Variants in RREB1 observed in about 807,000 individuals in gnomAD.
RREB1 encodes the protein ras-responsive element-binding protein 1.
In RREB1, 27 loss-of-function variants were observed where a neutral mutation model predicts 117.8. The observed-to-expected ratio is 0.23, with a 90% CI of 0.17 to 0.32. RREB1 has a LOEUF of 0.32. RREB1 is among the 10% of genes least tolerant of loss of function. The probability of loss-of-function intolerance (pLI) is 1.00; values close to 1 mark genes in which losing one functional copy is unlikely to be tolerated. For synonymous variants in RREB1, 1,298 were observed against 1,026.7 expected, an observed-to-expected ratio of 1.26 and a Z score of -5.05; for missense variants, 2,577 against 2,378.2, an observed-to-expected ratio of 1.08 and a Z score of -1.74.
intron 1 of RREB1, among the ~76,000 whole-genome samples, chr6:7,120,836 TTGAGACA>T: frequency 1.3e-5 from 2 of 148,548 alleles, no homozygotes; most frequent in Admixed American, 1.3e-4. Flanking sequence ...TTTTTTTTTT[TTGAGACA>T]GAGTCTTGTT....
At chr6:7,199,244 T>TG (rs1189707633) in intron 6 of RREB1, among the ~76,000 whole-genome samples, 1 of 152,158 alleles carries the variant, frequency 6.6e-6, no homozygotes, top group Non-Finnish European at 1.5e-5. Context: ...TCATCTTTAG[T>TG]GGGGGTAACG....
At chr6:7,109,736 C>T (rs1761044185) in intron 1 of RREB1, among the ~76,000 whole-genome samples, 1 of 152,206 alleles carries the variant, frequency 6.6e-6, no homozygotes, top group Admixed American at 6.5e-5. Context: ...GAGCAGTTCA[C>T]ATTCCATTAC....
At chr6:7,188,352 G>T (rs1354982285) in intron 5 of RREB1, among the ~76,000 whole-genome samples, 1 of 151,860 alleles carries the variant, frequency 6.6e-6, no homozygotes, top group Non-Finnish European at 1.5e-5. Context: ...CTGAGTTCAC[G>T]TGATTCTCCT....
At chr6:7,142,586 CG>C (rs1424568338) in intron 1 of RREB1, among the ~76,000 whole-genome samples, 165 of 152,358 alleles carry the variant, frequency 1.1e-3, no homozygotes, top group African/African-American at 3.8e-3. Flanking sequence ...TGAGACAGTT[CG>C]TGGGGTCAGG....
chr6:7,201,494 T>TTCCCCCCCCCCC (rs1429243157), intron 6 of RREB1, among the ~76,000 whole-genome samples: 13 of 115,164 alleles, frequency 1.1e-4, no homozygotes, highest in African/African-American at 4.1e-4. Context: ...GGCAACATTG[T>TTCCCCCCCCCCC]CCCCCCCCCC....
At chr6:7,201,340 G>A (rs1765964842) in intron 6 of RREB1, among the ~76,000 whole-genome samples, 1 of 152,168 alleles carries the variant, frequency 6.6e-6, no homozygotes, top group Admixed American at 6.5e-5. Flanking sequence ...ACTTCACAGG[G>A]CTTTATACCT....
intron 1 of RREB1, among the ~76,000 whole-genome samples, chr6:7,172,678 C>T (rs1323351548): frequency 2.7e-5 from 4 of 147,712 alleles, no homozygotes; most frequent in African/African-American, 5.2e-5. Flanking sequence ...GTGCCAGCCA[C>T]GGGTTGCCGG....
intron 1 of RREB1, among the ~76,000 whole-genome samples, chr6:7,161,665 T>G (rs1763669799): frequency 6.6e-6 from 1 of 152,200 alleles, no homozygotes; most frequent in Non-Finnish European, 1.5e-5. Context: ...GTAGGTTTGC[T>G]TTAAAACAAA....
At chr6:7,177,444 T>C (rs532955123) in intron 2 of RREB1, among the ~76,000 whole-genome samples, 1 of 151,958 alleles carries the variant, frequency 6.6e-6, no homozygotes, top group Admixed American at 6.6e-5. Flanking sequence ...GTTCATCTGC[T>C]TGGTAATGTT....
chr6:7,216,367 C>T (rs1221846508), intron 8 of RREB1: 2 of 152,164 alleles, frequency 1.3e-5, no homozygotes, highest in African/African-American at 2.4e-5. Flanking sequence ...GGGTCAGGGC[C>T]CAACCGGGTC....
intron 1 of RREB1, among the ~76,000 whole-genome samples, chr6:7,119,655 G>A (rs1039529001): frequency 2.0e-5 from 3 of 152,166 alleles, no homozygotes; most frequent in Non-Finnish European, 2.9e-5. Context: ...TGAATTACAG[G>A]GATGGTGCGG....
intron 8 of RREB1, among the ~76,000 whole-genome samples, chr6:7,225,904 A>G (rs545851058): frequency 2.0e-5 from 3 of 152,184 alleles, no homozygotes; most frequent in Non-Finnish European, 4.4e-5. Flanking sequence ...GACCATGGTT[A>G]TCATTCAGAT....
In RREB1 at chr6:7,226,472, A is replaced by G. The variant is rs1254065208; in HGVS notation, c.713A>G (p.Asp238Gly). 1 of 1,610,152 alleles carries G rather than the reference A, an allele frequency of 6.2e-7. No homozygotes were observed. The change falls in exon 9 of 13, where the codon GAC becomes GGC. Residue 238 changes from aspartate to glycine, a missense_variant. Coordinates refer to ENST00000379938, the MANE Select transcript of RREB1 (RefSeq NM_001003699.4). Reference sequence around the variant, plus strand: ...TTCTCCCTTTCCTCTCCTAGATGTGACATTTGTTGTGTCACCTTTCGAACA... The same window carrying G: ...TTCTCCCTTTCCTCTCCTAGATGTGGCATTTGTTGTGTCACCTTTCGAACA... ...ETHSDNPLRC[D>G]ICCVTFRTHR...
intron 1 of RREB1, among the ~76,000 whole-genome samples, chr6:7,109,549 C>A (rs1282629632): frequency 6.6e-6 from 1 of 152,166 alleles, no homozygotes; most frequent in African/African-American, 2.4e-5. Flanking sequence ...ACGCGGGGAC[C>A]CCACGGGGTG....
intron 10 of RREB1, 83 bp downstream of exon 10, chr6:7,231,990 A>G: frequency 2.2e-6 from 3 of 1,353,192 alleles, no homozygotes; most frequent in Non-Finnish European, 3.0e-6. Context: ...AGCGAGACCC[A>G]TCTCCCACAG....
intron 6 of RREB1, among the ~76,000 whole-genome samples, chr6:7,207,774 G>A (rs6597256): frequency 0.56 from 84,745 of 152,078 alleles, 24,519 homozygotes; most frequent in East Asian, 0.8. Context: ...AAAAGAGAAC[G>A]CATTACAGAA....
At chr6:7,213,078 T>A (rs1766708317) in intron 8 of RREB1, 1 of 152,196 alleles carries the variant, frequency 6.6e-6, no homozygotes. Context: ...GCCAGCTACA[T>A]CTGAACCTGT....
At chr6:7,188,395 C>T (rs369734219) in intron 5 of RREB1, among the ~76,000 whole-genome samples, 7 of 151,954 alleles carry the variant, frequency 4.6e-5, no homozygotes, top group African/African-American at 7.3e-5. Context: ...GGATTACAGG[C>T]GCCCACCACC....
chr6:7,216,206 G>A (rs1766891041), intron 8 of RREB1: 1 of 152,284 alleles, frequency 6.6e-6, no homozygotes, highest in Non-Finnish European at 1.5e-5. Context: ...AAAACAAGCT[G>A]GTTGGTTATA....
Sources: allele counts gnomAD v4.1 joint callset (sites outside exome capture counted in the v4.1 genomes callset), GRCh38; gene constraint gnomAD v4.1.1; transcripts MANE v1.5; gene names NCBI Gene and HGNC (gene_info 2026-07-23, HGNC 2026-07-21).